TXLNG: variants seen among roughly 807,000 people sequenced by gnomAD.
The protein encoded by TXLNG is taxilin gamma.
In TXLNG, 5 loss-of-function variants were observed where a neutral mutation model predicts 38.8. The observed-to-expected ratio is 0.13, with a 90% confidence interval of 0.07 to 0.27. TXLNG has a LOEUF of 0.27. Among genes scored for constraint, TXLNG ranks in the 10% least tolerant of loss-of-function variants. The pLI is 1.00. For synonymous variants in TXLNG, 182 were observed against 158.2 expected, an observed-to-expected ratio of 1.15 and a Z score of -1.13; for missense variants, 393 against 398.2, an observed-to-expected ratio of 0.99 and a Z score of 0.11.
chrX:16,804,966 T>TC (rs1928266755), intron 1 of TXLNG, among the ~76,000 whole-genome samples: 2 of 5,314 alleles, frequency 3.8e-4, no homozygotes, highest in Non-Finnish European at 5.5e-4. Context: ...TCACCACCAC[T>TC]GCCCACCCCC....
chrX:16,807,312 A>G (rs183605422), intron 1 of TXLNG, among the ~76,000 whole-genome samples: 2 of 111,579 alleles, frequency 1.8e-5, no homozygotes, highest in Admixed American at 1.9e-4. Flanking sequence ...TAGACATTTA[A>G]TTTAGATTTA....
At chrX:16,808,265 A>G (rs919328554) in intron 1 of TXLNG, among the ~76,000 whole-genome samples, 5 of 111,982 alleles carry the variant, frequency 4.5e-5, no homozygotes, top group African/African-American at 1.6e-4. Context: ...CATGCTGCTC[A>G]CAAGATGCAG....
In TXLNG at chrX:16,820,292, A is replaced by C. The variant is rs913315099; in HGVS notation, c.498+37A>C. The stretch of plus-strand genomic sequence containing the variant: ...GCCAAGGATGTGAGAGCCATATAAA[A>C]TATAACAAAATGTGTGTGTGCTTGA... On this transcript the variant is annotated intron_variant, in intron 3 of 9. Coordinates refer to ENST00000380122, the MANE Select transcript of TXLNG (RefSeq NM_018360.3). 11 of 1,054,884 alleles carry C rather than the reference A, an allele frequency of 1.0e-5. No homozygotes were observed. The East Asian group carries it at 3.4e-4, about 33-fold the overall frequency. The allele number at this position is 1,054,884 out of a possible 1,213,427, so 86.9% of individuals were successfully genotyped here. A position where few individuals can be genotyped will look rare whatever the true frequency, so the allele number is the denominator to read the frequency against.
At chrX:16,794,460 A>G (rs1397602977) in intron 1 of TXLNG, among the ~76,000 whole-genome samples, 4 of 111,598 alleles carry the variant, frequency 3.6e-5, no homozygotes, top group Admixed American at 9.6e-5. Context: ...ATGCCATGCT[A>G]CAACTTCCTG....
chrX:16,824,553 A>G (rs1263700078), intron 3 of TXLNG, among the ~76,000 whole-genome samples: 1 of 110,892 alleles, frequency 9.0e-6, no homozygotes, highest in Non-Finnish European at 1.9e-5. Context: ...AAGCACTGTC[A>G]GAGGAAAGAT....
At chrX:16,829,520 G>A in intron 4 of TXLNG, 56 bp from the exon 5 acceptor site, 1 of 1,103,498 alleles carries the variant, frequency 9.1e-7, no homozygotes, top group Non-Finnish European at 1.2e-6. Flanking sequence ...AGCTTCTCTT[G>A]TGAGCATCTT....
At chrX:16,795,573 T>C (rs1270684125) in intron 1 of TXLNG, among the ~76,000 whole-genome samples, 1 of 111,578 alleles carries the variant, frequency 9.0e-6, no homozygotes, top group Admixed American at 9.6e-5. Context: ...TGCCTCTCTT[T>C]TCTTGTCATT....
intron 5 of TXLNG, among the ~76,000 whole-genome samples, chrX:16,831,756 T>C (rs1767537332): frequency 8.9e-6 from 1 of 112,138 alleles, no homozygotes; most frequent in African/African-American, 3.2e-5. Context: ...TCTTATGTTA[T>C]GTTCTTTGGT....
intron 5 of TXLNG, among the ~76,000 whole-genome samples, chrX:16,832,394 ACAGT>A (rs1929443527): frequency 8.9e-6 from 1 of 112,313 alleles, no homozygotes; most frequent in Non-Finnish European, 1.9e-5. Flanking sequence ...GGAACAGGCA[ACAGT>A]CAAAGGGCCA....
intron 1 of TXLNG, among the ~76,000 whole-genome samples, chrX:16,813,902 C>G (rs1242009606): frequency 9.0e-6 from 1 of 110,639 alleles, no homozygotes; most frequent in African/African-American, 3.3e-5. Flanking sequence ...CTGGCTAACA[C>G]GGTGAAACCC....
At chrX:16,821,826 T>TA (rs1049743414) in intron 3 of TXLNG, among the ~76,000 whole-genome samples, 9 of 102,755 alleles carry the variant, frequency 8.8e-5, no homozygotes, top group Non-Finnish European at 1.6e-4. Flanking sequence ...CTGTCTCTAC[T>TA]AAAAATACAA....
In TXLNG at chrX:16,786,613, T is replaced by G. The variant is rs757056832; in HGVS notation, c.102+24T>G. The G allele has an allele frequency of 5.7e-5, 57 of 1,006,172 alleles. No individual in the cohort carries two copies. The African/African-American group carries it at 9.0e-4, about 16-fold the overall frequency. 82.9% of individuals were successfully genotyped at this position (1,006,172 alleles called of 1,213,427 possible). Reference sequence around the variant, plus strand: ...AGGTCAGTCAGGGGGACGCCCTCGTTGTTGTCGGGCCCGGGGGATGTTTGG... The same window carrying G: ...AGGTCAGTCAGGGGGACGCCCTCGTGGTTGTCGGGCCCGGGGGATGTTTGG... On this transcript the variant is annotated intron_variant, in intron 1 of 9. Coordinates refer to ENST00000380122, the MANE Select transcript of TXLNG (RefSeq NM_018360.3).
Position 16,818,627 on chromosome X carries a change from A to G in TXLNG, c.156A>G (p.Ala52=). The change falls in exon 2 of 10, where the codon GCA becomes GCG. Residue 52 remains alanine (A), a synonymous_variant. Coordinates refer to ENST00000380122, the MANE Select transcript of TXLNG (RefSeq NM_018360.3). Reference sequence around the variant, plus strand: ...GAATTTGTGGGCTAGGGGTGAAAGCAGATATGTTGTGTAACTCTCAATCAA... The same window carrying G: ...GAATTTGTGGGCTAGGGGTGAAAGCGGATATGTTGTGTAACTCTCAATCAA... ...EAGICGLGVK[A]DMLCNSQSND... is the part of the protein sequence containing the mutation. 1 of 1,212,155 alleles carries G rather than the reference A, an allele frequency of 8.2e-7. No individual in the cohort carries two copies. The highest frequency in any genetic ancestry group is 1.1e-6 in the Non-Finnish European group (1 of 895,569).
chrX:16,841,869 C>A lies in TXLNG; in HGVS notation c.*103C>A. On this transcript the variant is annotated 3_prime_UTR_variant, in exon 10 of 10. Coordinates refer to ENST00000380122, the MANE Select transcript of TXLNG (RefSeq NM_018360.3). ...GGTGAAAATTTTCTTACTTTTTCTA[C>A]CATATCTGTATTTTCTTAGAACTAC... 1.1e-6 allele frequency: 1 copy of A among 912,160 alleles called. No individual in the cohort carries two copies. The highest frequency in any genetic ancestry group is 1.5e-6 in the Non-Finnish European group (1 of 658,515). 75.2% of individuals were successfully genotyped at this position (912,160 alleles called of 1,213,427 possible). A position where few individuals can be genotyped will look rare whatever the true frequency, so the allele number is the denominator to read the frequency against.
rs896229793 is a variant in TXLNG at position 16,840,468 on chromosome X, CAT to C, written c.1248+553_1248+554del. The C allele has an allele frequency of 3.5e-5, 26 of 753,003 alleles. No homozygotes were observed. In the African/African-American group the frequency reaches 5.3e-4, roughly 15 times the overall value. 62.1% of individuals were successfully genotyped at this position (753,003 alleles called of 1,213,427 possible). On this transcript the variant is annotated intron_variant, in intron 9 of 9. Transcript: ENST00000380122. ...AGGAAAGAAAGAAAACGCTGGGGCA[CAT>C]GTGTACAAGAACCTTGTTCTCGGCT... is the stretch of plus-strand genomic sequence containing the variant.
intron 1 of TXLNG, among the ~76,000 whole-genome samples, chrX:16,813,254 C>T (rs1928602497): frequency 9.0e-6 from 1 of 111,445 alleles, no homozygotes; most frequent in African/African-American, 3.3e-5. Context: ...TACCATCACA[C>T]TCAGTAGGAT....
intron 7 of TXLNG, among the ~76,000 whole-genome samples, chrX:16,834,780 AACAAG>A (rs754318601): frequency 2.8e-4 from 31 of 112,609 alleles, no homozygotes; most frequent in Middle Eastern, 4.6e-3. Context: ...GAAATTGCTA[AACAAG>A]ACAAGAATAT....
intron 1 of TXLNG, among the ~76,000 whole-genome samples, chrX:16,790,020 A>G (rs1927647684): frequency 9.1e-6 from 1 of 109,722 alleles, no homozygotes; most frequent in South Asian, 3.9e-4. Context: ...CTAGTCTCAA[A>G]CTCCTGACCT....
intron 1 of TXLNG, among the ~76,000 whole-genome samples, chrX:16,799,494 C>T (rs779314791): frequency 2.7e-5 from 3 of 111,578 alleles, no homozygotes; most frequent in East Asian, 5.7e-4. Flanking sequence ...GGCATTAGGC[C>T]GGGCATGGTG....
Sources: gnomAD v4.1 joint callset for allele counts (sites outside exome capture counted in the v4.1 genomes callset) on GRCh38, gnomAD v4.1.1 for gene constraint, MANE v1.5 for transcripts, NCBI Gene and HGNC (gene_info 2026-07-23, HGNC 2026-07-21) for gene names.